STK31: variants seen among roughly 807,000 people sequenced by gnomAD.
STK31 encodes serine/threonine kinase 31.
In STK31, 89 loss-of-function variants were observed where a neutral mutation model predicts 129.7. The observed-to-expected ratio is 0.69, with a 90% confidence interval of 0.58 to 0.82. The LOEUF is 0.82. Ranked by LOEUF, STK31 falls within the 40% of genes least tolerant of loss-of-function variation. STK31 has a pLI of 0.00. For synonymous variants in STK31, 448 were observed against 395.3 expected (o/e 1.13, Z -1.58); for missense variants, 1,187 against 1,176.4 (o/e 1.01, Z -0.13).
chr7:23,799,272 C>T (rs765637302), intron 22 of STK31, among the ~76,000 whole-genome samples: 12 of 151,724 alleles, frequency 7.9e-5, no homozygotes, highest in Non-Finnish European at 8.8e-5. Flanking sequence ...CCAAAAAGCC[C>T]GTATAGCCAA....
Position 23,786,865 on chromosome 7 carries a change from C to G in STK31, c.2428C>G (p.Pro810Ala). 6.2e-7 allele frequency: 1 copy of G among 1,613,730 alleles called. No individual in the cohort carries two copies. Residue 810 changes from proline (P) to alanine (A), a missense_variant, in exon 20 of 24, where the codon CCA becomes GCA. Physicochemically the swap from Pro to Ala is conservative, Grantham distance 27. This residue lies in a region of STK31 where 975 missense variants were observed against 934.9 expected (regional missense o/e 1.04). Transcript: ENST00000355870. ...TGATCCTATGGCTTATCTGATGGTC[C>G]CATACTACCCTAGGGCAAACCTGAA... Reference protein sequence around the residue: ...KSDPMAYLMVPYYPRANLNAV... With the variant: ...KSDPMAYLMVAYYPRANLNAV...
chr7:23,749,920 C>T (rs2128090728), intron 8 of STK31, among the ~76,000 whole-genome samples: 1 of 152,114 alleles, frequency 6.6e-6, no homozygotes, highest in South Asian at 2.1e-4. Flanking sequence ...AAGGATAGAG[C>T]TGGCTGGAGT....
intron 23 of STK31, among the ~76,000 whole-genome samples, chr7:23,820,051 G>A (rs1222583313): frequency 6.6e-6 from 1 of 152,174 alleles, no homozygotes; most frequent in African/African-American, 2.4e-5. Context: ...GAGGGAGAAG[G>A]AAGTAATAAA....
chr7:23,765,558 C>CTTT (rs10677070), intron 11 of STK31, among the ~76,000 whole-genome samples: 1,666 of 129,578 alleles, frequency 0.013, 98 homozygotes, highest in African/African-American at 0.031. Context: ...ACCTCTTATA[C>CTTT]TTTTTTTTTT....
intron 11 of STK31, among the ~76,000 whole-genome samples, chr7:23,768,138 C>A (rs1789947544): frequency 6.6e-6 from 1 of 152,074 alleles, no homozygotes; most frequent in African/African-American, 2.4e-5. Context: ...TGATGGACTG[C>A]ATATATGGTG....
chr7:23,754,464 G>C lies in STK31; in HGVS notation c.1283G>C (p.Cys428Ser). 6.2e-7 allele frequency: 1 copy of C among 1,609,816 alleles called. No homozygotes were observed. The highest frequency in any genetic ancestry group is 8.5e-7 in the Non-Finnish European group (1 of 1,178,994). Residue 428 changes from cysteine to serine, a missense_variant, in exon 10 of 24, where the codon TGT (cysteine) becomes TCT (serine). Cys to Ser is a moderately radical substitution (Grantham distance 112). Coordinates refer to ENST00000355870, the MANE Select transcript of STK31 (RefSeq NM_031414.5). The part of the protein sequence containing the change: ...YSLAQENIKT[C>S]EYVSEGNILI... ...CTGGCTCAGGAGAATATTAAAACTT[G>C]TGAATATGTGGTGAGTTGGGAATTT...
intron 4 of STK31, among the ~76,000 whole-genome samples, chr7:23,725,691 T>C (rs1233867161): frequency 1.3e-5 from 2 of 152,190 alleles, no homozygotes; most frequent in Non-Finnish European, 2.9e-5. Context: ...CTGTAGGCTG[T>C]ACAAAAAGCA....
chr7:23,762,328 C>G (rs1414182137), intron 10 of STK31, among the ~76,000 whole-genome samples: 1 of 143,194 alleles, frequency 7.0e-6, no homozygotes, highest in Non-Finnish European at 1.5e-5. Context: ...AGTTTTAATA[C>G]AGTATGGTAA....
chr7:23,727,943 C>T (rs1356918782), intron 5 of STK31, among the ~76,000 whole-genome samples: 1 of 151,846 alleles, frequency 6.6e-6, no homozygotes, highest in Non-Finnish European at 1.5e-5. Flanking sequence ...AGGAGAAGAA[C>T]ATTTTGATTG....
chr7:23,746,402 T>G (rs915016847), intron 8 of STK31, among the ~76,000 whole-genome samples: 1 of 152,212 alleles, frequency 6.6e-6, no homozygotes, highest in African/African-American at 2.4e-5. Context: ...TTCTTTCTCC[T>G]TCCTTCCTTT....
At chr7:23,803,644 G>A (rs1000612036) in intron 22 of STK31, among the ~76,000 whole-genome samples, 3 of 152,024 alleles carry the variant, frequency 2.0e-5, no homozygotes, top group Admixed American at 6.6e-5. Flanking sequence ...AGATAAACTC[G>A]TGCCACAGGG....
chr7:23,809,332 C>T (rs1041749085), intron 22 of STK31, among the ~76,000 whole-genome samples: 11 of 151,992 alleles, frequency 7.2e-5, no homozygotes, highest in African/African-American at 2.7e-4. Flanking sequence ...TCTCACATTC[C>T]TCTCAACAAT....
intron 22 of STK31, among the ~76,000 whole-genome samples, chr7:23,795,250 G>A (rs1791883776): frequency 6.6e-6 from 1 of 152,190 alleles, no homozygotes; most frequent in South Asian, 2.1e-4. Context: ...CTCCAGTCAT[G>A]GCTAAAAGGG....
intron 22 of STK31, 73 bp downstream of exon 22, chr7:23,791,019 A>C: frequency 8.3e-7 from 1 of 1,203,298 alleles, no homozygotes; most frequent in South Asian, 3.2e-5. Context: ...TTTTATAGTG[A>C]TTCTCCTTAA....
chr7:23,814,572 C>T (rs1316375151), intron 22 of STK31, among the ~76,000 whole-genome samples: 1 of 151,998 alleles, frequency 6.6e-6, no homozygotes, highest in Admixed American at 6.6e-5. Context: ...GGATTTGCCT[C>T]AAAGATAATA....
chr7:23,822,246 A>C (rs1402874223), intron 23 of STK31, among the ~76,000 whole-genome samples: 3 of 152,296 alleles, frequency 2.0e-5, no homozygotes, highest in African/African-American at 7.2e-5. Flanking sequence ...TTTTAACAAT[A>C]CTAATCTTCT....
At chr7:23,725,752 G>A (rs538411537) in intron 4 of STK31, 5 of 152,232 alleles carry the variant, frequency 3.3e-5, no homozygotes, top group African/African-American at 9.6e-5. Context: ...CATGTACTTC[G>A]CATGTTTATG....
intron 8 of STK31, among the ~76,000 whole-genome samples, chr7:23,742,903 T>C (rs563786638): frequency 6.6e-6 from 1 of 152,190 alleles, no homozygotes; most frequent in South Asian, 2.1e-4. Flanking sequence ...GAACATTTGA[T>C]TCCTTTCTTG....
intron 8 of STK31, among the ~76,000 whole-genome samples, chr7:23,747,235 T>A (rs1000950545): frequency 4.0e-4 from 61 of 152,194 alleles, no homozygotes; most frequent in Non-Finnish European, 7.8e-4. Context: ...TGACTGAGAA[T>A]TGGTATAGTT....
Sources: allele counts gnomAD v4.1 joint callset (sites outside exome capture counted in the v4.1 genomes callset), GRCh38; gene constraint gnomAD v4.1.1; regional missense constraint gnomAD v4.1.1; transcripts MANE v1.5; gene names NCBI Gene and HGNC (gene_info 2026-07-23, HGNC 2026-07-21).